CALN1: variants seen among roughly 807,000 people sequenced by gnomAD.
CALN1 encodes calneuron 1.
A neutral mutation model predicts 30.6 loss-of-function variants in CALN1; 17 were observed. That is an observed-to-expected ratio of 0.56 (90% confidence interval 0.38 to 0.83). CALN1 has a LOEUF of 0.83. Ranked by LOEUF, CALN1 falls within the 40% of genes least tolerant of loss-of-function variation. The pLI, the probability that CALN1 is intolerant of heterozygous loss-of-function variation, is 0.00. For synonymous variants in CALN1, 156 were observed against 131.4 expected (o/e 1.19, Z -1.28); for missense variants, 291 against 354.9 (o/e 0.82, Z 1.45).
At chr7:72,221,788 G>T (rs958569815) in intron 3 of CALN1, among the ~76,000 whole-genome samples, 1 of 151,892 alleles carries the variant, frequency 6.6e-6, no homozygotes, top group Admixed American at 6.6e-5. Flanking sequence ...AACTCAGGAG[G>T]TTGAGGCAGA....
At chr7:72,008,654 T>A (rs371660593) in intron 5 of CALN1, among the ~76,000 whole-genome samples, 4 of 144,124 alleles carry the variant, frequency 2.8e-5, no homozygotes, top group South Asian at 4.2e-4. Flanking sequence ...GAGAAGACTT[T>A]CAATTTTTTT....
chr7:72,006,951 GA>G (rs1330494155), intron 5 of CALN1, among the ~76,000 whole-genome samples: 1 of 152,128 alleles, frequency 6.6e-6, no homozygotes, highest in Non-Finnish European at 1.5e-5. Flanking sequence ...TTTGCATACA[GA>G]TTAAATCAAT....
chr7:72,007,086 C>T (rs1438134113), intron 5 of CALN1, among the ~76,000 whole-genome samples: 1 of 152,200 alleles, frequency 6.6e-6, no homozygotes, highest in Non-Finnish European at 1.5e-5. Flanking sequence ...TTCTTAATGG[C>T]AACCAAATCC....
chr7:72,242,313 A>G (rs1428513670), intron 3 of CALN1, among the ~76,000 whole-genome samples: 1 of 152,194 alleles, frequency 6.6e-6, no homozygotes, highest in East Asian at 1.9e-4. Context: ...AGATGTGCAC[A>G]TATCTGTTTG....
chr7:72,007,141 G>C (rs1386776827), intron 5 of CALN1, among the ~76,000 whole-genome samples: 3 of 152,148 alleles, frequency 2.0e-5, no homozygotes, highest in African/African-American at 7.2e-5. Flanking sequence ...GAATAAAGAC[G>C]ACATTTCCCA....
chr7:71,928,388 A>G (rs1356087216), intron 5 of CALN1, among the ~76,000 whole-genome samples: 2 of 150,474 alleles, frequency 1.3e-5, no homozygotes, highest in African/African-American at 4.9e-5. Flanking sequence ...CATTGACTTC[A>G]GGCCACCCAA....
At chr7:71,827,598 C>G (rs1788991507) in intron 5 of CALN1, among the ~76,000 whole-genome samples, 1 of 151,776 alleles carries the variant, frequency 6.6e-6, no homozygotes, top group Non-Finnish European at 1.5e-5. Context: ...CAGTGAAACC[C>G]CATCTCTACT....
At chr7:72,161,450 T>C (rs1788101961) in intron 3 of CALN1, among the ~76,000 whole-genome samples, 1 of 152,208 alleles carries the variant, frequency 6.6e-6, no homozygotes, top group South Asian at 2.1e-4. Context: ...AGGTAGTGGC[T>C]TTCTACCCCA....
intron 5 of CALN1, among the ~76,000 whole-genome samples, chr7:71,847,749 GAA>G (rs1484127853): frequency 9.2e-5 from 11 of 118,992 alleles, no homozygotes; most frequent in African/African-American, 3.2e-4. Flanking sequence ...GAAAGAAGAA[GAA>G]AGAAGAAAGA....
chr7:71,807,097 G>T (rs1445737505), intron 6 of CALN1, among the ~76,000 whole-genome samples: 1 of 152,210 alleles, frequency 6.6e-6, no homozygotes, highest in Non-Finnish European at 1.5e-5. Context: ...GGAGAGATGG[G>T]GAGGCCCCAA....
intron 3 of CALN1, among the ~76,000 whole-genome samples, chr7:72,121,392 AGAT>A (rs950040710): frequency 1.4e-4 from 21 of 146,122 alleles, no homozygotes; most frequent in Non-Finnish European, 1.9e-4. Flanking sequence ...TATATAATAT[AGAT>A]GTTATATAAT....
rs529309000 is a variant in CALN1 at position 72,385,654 on chromosome 7, C to T, written c.119+17597G>A. Among the ~76,000 whole-genome samples, 22 of 152,290 alleles carry T rather than the reference C, an allele frequency of 1.4e-4. No homozygotes were observed. In the East Asian group the frequency reaches 4.2e-3, roughly 29 times the overall value. ...ATCTGGAATTCTTATCCCAAGCTGTCAAGGGAGTAACTTGGTGGTGATGAC... is the reference window on the plus strand; with the variant it reads ...ATCTGGAATTCTTATCCCAAGCTGTTAAGGGAGTAACTTGGTGGTGATGAC... On this transcript the variant is annotated intron_variant, in intron 2 of 6. Coordinates refer to ENST00000395275, the MANE Select transcript of CALN1 (RefSeq NM_031468.4).
At chr7:72,054,447 A>G (rs1256027414) in intron 4 of CALN1, among the ~76,000 whole-genome samples, 2 of 52,604 alleles carry the variant, frequency 3.8e-5, no homozygotes, top group South Asian at 8.0e-4. Flanking sequence ...ATATATATAT[A>G]CATATATATA....
intron 5 of CALN1, among the ~76,000 whole-genome samples, chr7:71,965,587 C>G (rs1163217344): frequency 6.6e-6 from 1 of 152,050 alleles, no homozygotes; most frequent in East Asian, 1.9e-4. Flanking sequence ...AACAAACAAA[C>G]AAACAAACAT....
chr7:72,359,352 A>G (rs1803421498), intron 2 of CALN1, among the ~76,000 whole-genome samples: 1 of 152,042 alleles, frequency 6.6e-6, no homozygotes, highest in Admixed American at 6.6e-5. Context: ...CGTCTTCCAG[A>G]TCCTCCGATC....
intron 2 of CALN1, among the ~76,000 whole-genome samples, chr7:72,313,535 G>A (rs1415457124): frequency 1.3e-5 from 2 of 152,132 alleles, no homozygotes; most frequent in African/African-American, 2.4e-5. Flanking sequence ...TGGGACTATC[G>A]GTGCGTACCA....
chr7:71,919,813 C>A (rs528734667), intron 5 of CALN1, among the ~76,000 whole-genome samples: 1 of 152,160 alleles, frequency 6.6e-6, no homozygotes, highest in African/African-American at 2.4e-5. Context: ...ATAAAGTTAC[C>A]AGTGGTCCGC....
intron 5 of CALN1, among the ~76,000 whole-genome samples, chr7:71,829,570 G>T (rs1252946233): frequency 6.6e-6 from 1 of 152,230 alleles, no homozygotes; most frequent in Admixed American, 6.5e-5. Flanking sequence ...CTGTCTGGAA[G>T]TAACTCATCA....
intron 4 of CALN1, among the ~76,000 whole-genome samples, chr7:72,034,085 G>A (rs979053250): frequency 2.0e-5 from 3 of 152,120 alleles, no homozygotes; most frequent in African/African-American, 7.2e-5. Flanking sequence ...CAGGTGCGGT[G>A]GCTCACGCCT....
Sources: gnomAD v4.1 joint callset for allele counts (sites outside exome capture counted in the v4.1 genomes callset) on GRCh38, gnomAD v4.1.1 for gene constraint, MANE v1.5 for transcripts, NCBI Gene and HGNC (gene_info 2026-07-23, HGNC 2026-07-21) for gene names.